G2E3: variants seen among roughly 807,000 people sequenced by gnomAD.
G2E3 encodes G2/M-phase specific E3 ubiquitin protein ligase.
In G2E3, 35 loss-of-function variants were observed where a neutral mutation model predicts 92.8. That is an observed-to-expected ratio of 0.38 (90% CI 0.29 to 0.50). The LOEUF is 0.50. G2E3 is among the 20% of genes least tolerant of loss of function. The probability of loss-of-function intolerance (pLI) is 0.94; values close to 1 mark genes in which losing one functional copy is unlikely to be tolerated. For synonymous variants in G2E3, 242 were observed against 272.4 expected, an observed-to-expected ratio of 0.89 and a Z score of 1.10; for missense variants, 554 against 823.8, an observed-to-expected ratio of 0.67 and a Z score of 4.01.
chr14:30,614,820 C>T (rs1469400810), intron 13 of G2E3, among the ~76,000 whole-genome samples: 2 of 152,176 alleles, frequency 1.3e-5, no homozygotes, highest in East Asian at 3.9e-4. Flanking sequence ...ATTTTTTGTT[C>T]ATTTTCCCTA....
At chr14:30,580,894 G>C in intron 1 of G2E3, 182 bp from the exon 2 acceptor site, 1 of 534,108 alleles carries the variant, frequency 1.9e-6, no homozygotes. Context: ...TTTAAAAAAT[G>C]TTCCCGACTC....
chr14:30,567,622 TAA>T (rs767708798), intron 1 of G2E3, among the ~76,000 whole-genome samples: 3 of 152,018 alleles, frequency 2.0e-5, no homozygotes, highest in Non-Finnish European at 4.4e-5. Context: ...ATTCTCAATT[TAA>T]AAATTTTTTT....
chr14:30,576,940 G>C (rs2138804706), intron 1 of G2E3, among the ~76,000 whole-genome samples: 1 of 152,048 alleles, frequency 6.6e-6, no homozygotes, highest in Admixed American at 6.6e-5. Flanking sequence ...GAAAATGTTG[G>C]ATGGGGCCAG....
At chr14:30,613,132 C>T (rs1882169335) in intron 13 of G2E3, among the ~76,000 whole-genome samples, 1 of 152,012 alleles carries the variant, frequency 6.6e-6, no homozygotes, top group Non-Finnish European at 1.5e-5. Context: ...ACTTATGTAT[C>T]TCCTTACACT....
At chr14:30,605,930 A>C (rs1881812069) in intron 11 of G2E3, 118 bp downstream of exon 11, 2 of 499,826 alleles carry the variant, frequency 4.0e-6, no homozygotes, top group Admixed American at 3.8e-5. Context: ...TCACTTTGTT[A>C]ATAAACTACT....
At position 30,619,052 on chromosome 14, in the gene G2E3, T is replaced by C. The variant is rs929224980; in HGVS notation, c.*2518T>C. ...TTGGTTAGTTTGATATTCATTGTTT[T>C]TAAACACTTTCCAATATGGAAACTT... On this transcript the variant is annotated 3_prime_UTR_variant, in exon 15 of 15. Transcript: ENST00000206595. The C allele has an allele frequency of 6.6e-6, 1 of 152,132 alleles. No individual in the cohort carries two copies. Among genetic ancestry groups the C allele is most frequent in the African/African-American group, 2.4e-5 (1 of 41,454 alleles). The allele number at this position is 152,132 out of a possible 1,614,324, so 9.4% of individuals were successfully genotyped here. A position where few individuals can be genotyped will look rare whatever the true frequency, so the allele number is the denominator to read the frequency against.
intron 6 of G2E3, among the ~76,000 whole-genome samples, chr14:30,596,769 C>A (rs1230186152): frequency 6.6e-6 from 1 of 152,132 alleles, no homozygotes; most frequent in Non-Finnish European, 1.5e-5. Context: ...GTACATAATA[C>A]CAAATGTTGT....
chr14:30,607,943 T>C lies in G2E3; in HGVS notation c.1374T>C (p.Val458=). 1 of 1,610,376 alleles carries C rather than the reference T, an allele frequency of 6.2e-7. No individual in the cohort carries two copies. Among genetic ancestry groups the C allele is most frequent in the Non-Finnish European group, 8.5e-7 (1 of 1,178,040 alleles). The change falls in exon 12 of 15, where the codon GTT becomes GTC. Residue 458 remains valine (V), a synonymous_variant. Transcript: ENST00000206595. ...GCAAAATGCTTGCCATTTCTTTAGT[T>C]CACGGTGGTCCTTCACCTGGTTTCT... ...EAGKMLAISL[V]HGGPSPGFFS...
intron 14 of G2E3, among the ~76,000 whole-genome samples, chr14:30,615,910 T>C (rs1288905868): frequency 6.6e-6 from 1 of 152,196 alleles, no homozygotes; most frequent in Admixed American, 6.5e-5. Context: ...AACAATGATA[T>C]TTATCATTGA....
At chr14:30,582,796 A>G (rs1195581006) in intron 2 of G2E3, among the ~76,000 whole-genome samples, 1 of 152,222 alleles carries the variant, frequency 6.6e-6, no homozygotes, top group African/African-American at 2.4e-5. Context: ...ACTTCGAGTT[A>G]TGACTTATCC....
At chr14:30,581,771 A>G (rs1372092464) in intron 2 of G2E3, among the ~76,000 whole-genome samples, 2 of 152,170 alleles carry the variant, frequency 1.3e-5, no homozygotes, top group African/African-American at 2.4e-5. Flanking sequence ...CAATCTTCCC[A>G]AATAGATGCG....
intron 13 of G2E3, among the ~76,000 whole-genome samples, chr14:30,615,125 T>C (rs1195024137): frequency 1.3e-5 from 2 of 152,220 alleles, no homozygotes; most frequent in African/African-American, 2.4e-5. Context: ...GATATTAATG[T>C]ATTTGCTTGT....
intron 1 of G2E3, among the ~76,000 whole-genome samples, chr14:30,561,664 T>C (rs229178): frequency 0.093 from 14,100 of 152,270 alleles, 2,160 homozygotes; most frequent in African/African-American, 0.32. Context: ...TTCTCCAGGC[T>C]GTGCTTTTTG....
rs1373467601 is a variant in G2E3, at chr14:30,605,785, T to A, written c.1291T>A (p.Ser431Thr). ...ENSSLFEGSL[S>T]KNLSLNSQAL... ...CTCATCATTGTTTGAAGGGTCCTTG[T>A]CAAAGAACTTGTCTCTAAATTCTCA... Residue 431 changes from serine to threonine, a missense_variant, in exon 11 of 15, where the codon TCA becomes ACA. Physicochemically the swap from Ser to Thr is moderately conservative, Grantham distance 58. Transcript: ENST00000206595. The A allele has an allele frequency of 6.4e-7, 1 of 1,562,798 alleles. No individual in the cohort carries two copies. The highest frequency in any genetic ancestry group is 8.6e-7 in the Non-Finnish European group (1 of 1,156,094).
intron 3 of G2E3, among the ~76,000 whole-genome samples, chr14:30,587,734 ATAAG>A (rs33950296): frequency 0.012 from 1,780 of 152,238 alleles, 32 homozygotes; most frequent in African/African-American, 0.04. Flanking sequence ...CTCTTAGTAA[ATAAG>A]GCTACTCGTG....
chr14:30,576,634 A>G (rs1179671130), intron 1 of G2E3, among the ~76,000 whole-genome samples: 5 of 152,176 alleles, frequency 3.3e-5, no homozygotes, highest in Non-Finnish European at 5.9e-5. Context: ...GACAAACATC[A>G]TGTTTTATTA....
rs1191406811 is a variant in G2E3, at chr14:30,598,546, T to C, written c.699T>C (p.Cys233=). The change falls in exon 8 of 15, where the codon TGT becomes TGC. Residue 233 remains cysteine, a synonymous_variant. Coordinates refer to ENST00000206595, the MANE Select transcript of G2E3 (RefSeq NM_017769.5). ...YQELLQHYER[C]DVRRCRCKEG... ...AGCTTCTGCAGCACTATGAGCGTTG[T>C]GATGTTCGAAGATGTCGTTGCAAAG... The C allele has an allele frequency of 6.2e-7, 1 of 1,613,984 alleles. No homozygotes were observed. The highest frequency in any genetic ancestry group is 1.1e-5 in the South Asian group (1 of 91,082).
intron 1 of G2E3, among the ~76,000 whole-genome samples, chr14:30,566,339 ATAACCATCT>A (rs1008052357): frequency 1.2e-4 from 19 of 152,312 alleles, no homozygotes; most frequent in African/African-American, 4.3e-4. Flanking sequence ...TTTGGGGAGT[ATAACCATCT>A]TAATGAAATA....
chr14:30,619,215 G>A lies in G2E3; in HGVS notation c.*2681G>A, dbSNP rs1882452103. 1 of 152,006 alleles carries A rather than the reference G, an allele frequency of 6.6e-6. No individual in the cohort carries two copies. Among genetic ancestry groups the A allele is most frequent in the East Asian group, 1.9e-4 (1 of 5,190 alleles). 9.4% of individuals were successfully genotyped at this position (152,006 alleles called of 1,614,324 possible). On this transcript the variant is annotated 3_prime_UTR_variant, in exon 15 of 15. Transcript: ENST00000206595. ...TTTTTTTGTTTGGGTTAAGTAAAAA[G>A]CCTTTGATTGATTACCAGCATGAGA...
Sources: gnomAD v4.1 joint callset for allele counts (sites outside exome capture counted in the v4.1 genomes callset) on GRCh38, gnomAD v4.1.1 for gene constraint, MANE v1.5 for transcripts, NCBI Gene and HGNC (gene_info 2026-07-23, HGNC 2026-07-21) for gene names.